The following RBFOX2 variants were observed in gnomAD, a reference collection of about 807,000 sequenced individuals.
The protein encoded by RBFOX2 is RNA binding protein fox-1 homolog 2.
In RBFOX2, 10 loss-of-function variants were observed where a neutral mutation model predicts 49.1. That is an observed-to-expected ratio of 0.20 (90% CI 0.13 to 0.35). The LOEUF (loss-of-function observed/expected upper bound fraction) is 0.35, where lower values mean the gene tolerates loss of function less well. RBFOX2 is among the 10% of genes least tolerant of loss of function. The pLI is 1.00. For missense variants in RBFOX2, 323 were observed against 486.9 expected, an observed-to-expected ratio of 0.66 and a Z score of 3.17; for synonymous variants, 183 against 187.4, an observed-to-expected ratio of 0.98 and a Z score of 0.19.
At chr22:35,756,971 G>A (rs1937147476) in intron 9 of RBFOX2, among the ~76,000 whole-genome samples, 1 of 152,032 alleles carries the variant, frequency 6.6e-6, no homozygotes, top group Non-Finnish European at 1.5e-5. Context: ...AGGTGCAGTG[G>A]GGATCCCAGA....
chr22:36,006,003 T>A (rs1314200504), intron 1 of RBFOX2, among the ~76,000 whole-genome samples: 1 of 152,202 alleles, frequency 6.6e-6, no homozygotes, highest in Non-Finnish European at 1.5e-5. Flanking sequence ...AATTTGTCTT[T>A]GAGTGGATTC....
At chr22:35,801,452 C>CT (rs1487571146) in intron 2 of RBFOX2, among the ~76,000 whole-genome samples, 1 of 147,982 alleles carries the variant, frequency 6.8e-6, no homozygotes, top group Admixed American at 6.9e-5. Context: ...CACACACTCT[C>CT]TCTCTCTCTC....
At chr22:35,927,691 T>A (rs1168796362) in intron 1 of RBFOX2, among the ~76,000 whole-genome samples, 2 of 151,744 alleles carry the variant, frequency 1.3e-5, no homozygotes, top group Non-Finnish European at 2.9e-5. Flanking sequence ...AAGCAAATTG[T>A]AGCGAGCCTT....
intron 1 of RBFOX2, among the ~76,000 whole-genome samples, chr22:35,814,710 CAAAAAAAAAAAAA>C (rs55971445): frequency 2.6e-4 from 8 of 31,022 alleles, no homozygotes; most frequent in South Asian, 3.4e-3. Context: ...AACCCTGTCT[CAAAAAAAAAAAAA>C]AAAAAAAAAA....
exon 1 of RBFOX2, chr22:36,028,456 G>A (rs1337229376): frequency 8.5e-7 from 1 of 1,171,820 alleles, no homozygotes; most frequent in Non-Finnish European, 1.1e-6. Flanking sequence ...TCCGGGAGCC[G>A]GGCGACCCGC....
chr22:35,965,006 C>G (rs918315801), upstream of RBFOX2, among the ~76,000 whole-genome samples: 1 of 152,176 alleles, frequency 6.6e-6, no homozygotes, highest in African/African-American at 2.4e-5. Flanking sequence ...ATACTTACCA[C>G]ACACCAGTCG....
chr22:35,807,442 G>T (rs966633824), intron 2 of RBFOX2, among the ~76,000 whole-genome samples: 2 of 151,548 alleles, frequency 1.3e-5, no homozygotes, highest in African/African-American at 4.8e-5. Flanking sequence ...ATAAAAGAAA[G>T]AAATTTGGGG....
rs549045237 is a variant in RBFOX2, at chr22:35,784,850, C to T, written c.253-3104G>A. Among the ~76,000 whole-genome samples the T allele has an allele frequency of 2.0e-4, 30 of 152,310 alleles. No homozygotes were observed. The South Asian group carries it at 2.5e-3, about 13-fold the overall frequency. ...CACCGCCGGCAGATTGCTGCGTTGCCGGCCGCTGCGGTGGGGCAGGCTCCT... is the reference window on the plus strand; with the variant it reads ...CACCGCCGGCAGATTGCTGCGTTGCTGGCCGCTGCGGTGGGGCAGGCTCCT... On this transcript the variant is annotated intron_variant, in intron 2 of 11. Transcript: ENST00000405409.
chr22:35,840,222 C>A, exon 1 of RBFOX2: 2 of 1,614,150 alleles, frequency 1.2e-6, no homozygotes, highest in Non-Finnish European at 1.7e-6. Context: ...TCTCCATAAA[C>A]CAAACGGATA....
chr22:35,790,740 G>A (rs1304486906), intron 2 of RBFOX2, among the ~76,000 whole-genome samples: 1 of 152,006 alleles, frequency 6.6e-6, no homozygotes, highest in South Asian at 2.1e-4. Context: ...AAAAGTTTTG[G>A]CTGGGTGCAA....
intron 1 of RBFOX2, among the ~76,000 whole-genome samples, chr22:36,024,007 G>A (rs1366602541): frequency 5.3e-5 from 8 of 152,140 alleles, no homozygotes; most frequent in South Asian, 4.1e-4. Flanking sequence ...GGAATCTAAC[G>A]CTTAGCACTA....
At chr22:35,820,424 C>T (rs1279862958) in intron 1 of RBFOX2, among the ~76,000 whole-genome samples, 1 of 152,156 alleles carries the variant, frequency 6.6e-6, no homozygotes, top group East Asian at 1.9e-4. Context: ...CCTTTCTACT[C>T]ATTGGGCTAA....
chr22:35,788,966 A>G (rs1270554390), intron 2 of RBFOX2, among the ~76,000 whole-genome samples: 2 of 151,960 alleles, frequency 1.3e-5, no homozygotes, highest in Non-Finnish European at 2.9e-5. Flanking sequence ...CTTCTCTTGT[A>G]TTTCCCATCT....
chr22:35,897,255 G>T (rs944868895), intron 1 of RBFOX2: 3 of 1,474,094 alleles, frequency 2.0e-6, no homozygotes, highest in East Asian at 2.3e-5. Context: ...AGAGTTGCTC[G>T]GGAGGCACTA....
At chr22:35,897,563 A>G in intron 1 of RBFOX2, 2 of 907,866 alleles carry the variant, frequency 2.2e-6, no homozygotes, top group Non-Finnish European at 1.9e-6. Flanking sequence ...GCCACAGCAA[A>G]GATGTACTTC....
At chr22:35,872,134 T>C (rs1482090913) in intron 1 of RBFOX2, among the ~76,000 whole-genome samples, 1 of 152,192 alleles carries the variant, frequency 6.6e-6, no homozygotes, top group East Asian at 1.9e-4. Flanking sequence ...GGCCTGTCCA[T>C]TACTGGGGTT....
chr22:35,895,253 G>A (rs969693703), intron 1 of RBFOX2, among the ~76,000 whole-genome samples: 1 of 152,164 alleles, frequency 6.6e-6, no homozygotes, highest in South Asian at 2.1e-4. Flanking sequence ...AGGGATGGGT[G>A]GGGTCAGTAA....
chr22:35,766,118 GTTTA>G (rs1407813455), intron 5 of RBFOX2, among the ~76,000 whole-genome samples: 1 of 152,198 alleles, frequency 6.6e-6, no homozygotes, highest in Admixed American at 6.5e-5. Context: ...AAAATAAAGT[GTTTA>G]TTTATTTTGT....
At chr22:35,841,021 G>A (rs750577441), upstream of RBFOX2, among the ~76,000 whole-genome samples, 4 of 152,028 alleles carry the variant, frequency 2.6e-5, no homozygotes, top group African/African-American at 9.7e-5. Flanking sequence ...TAAAAGAGAG[G>A]ACACAGGTAA....
Sources: allele counts gnomAD v4.1 joint callset (sites outside exome capture counted in the v4.1 genomes callset), GRCh38; gene constraint gnomAD v4.1.1; transcripts MANE v1.5; gene names NCBI Gene and HGNC (gene_info 2026-07-23, HGNC 2026-07-21).